Variants in FARP1 observed in about 807,000 individuals in gnomAD.
FARP1 encodes FERM, ARHGEF and pleckstrin domain-containing protein 1.
A neutral mutation model predicts 128.8 loss-of-function variants in FARP1; 52 were observed. The ratio of observed to expected loss-of-function variants is 0.40; its 90% CI spans 0.32 to 0.51. The LOEUF (loss-of-function observed/expected upper bound fraction) is 0.51. FARP1 is among the 20% of genes least tolerant of loss of function. The probability of loss-of-function intolerance (pLI) is 0.45; values close to 1 mark genes in which losing one functional copy is unlikely to be tolerated. For synonymous variants in FARP1, 580 were observed against 551.8 expected (o/e 1.05, Z -0.72); for missense variants, 1,333 against 1,367.9 (o/e 0.97, Z 0.40).
At chr13:98,313,709 T>C (rs1326925161) in intron 2 of FARP1, among the ~76,000 whole-genome samples, 5 of 152,220 alleles carry the variant, frequency 3.3e-5, no homozygotes, top group Non-Finnish European at 5.9e-5. Flanking sequence ...TCTGCTAGCC[T>C]TTTTAGCATG....
rs1888713928 is a variant in FARP1, at chr13:98,358,103, TCC to T, written c.277-7290_277-7289del. ...TTTTTTTTTCCTGACCTTGACTACT[TCC>T]CACACATTCAAGGATAACCCCCTGT... On this transcript the variant is annotated intron_variant, in intron 3 of 26. Transcript: ENST00000319562. 3.9e-5 allele frequency among the ~76,000 whole-genome samples: 6 copies of T among 151,932 alleles called. No individual in the cohort carries two copies. The South Asian group carries it at 1.3e-3, about 32-fold the overall frequency.
At position 98,385,677 on chromosome 13, in the gene FARP1, C is replaced by T; in HGVS notation, c.622C>T (p.Pro208Ser). ...TTTTTGTTTTGTCAGTGGACAAACACCAGCAGAATCAGATTTCCAGCTCCT... is the reference window on the plus strand; with the variant it reads ...TTTTTGTTTTGTCAGTGGACAAACATCAGCAGAATCAGATTTCCAGCTCCT... ...EFHHNHIGQT[P>S]AESDFQLLEI... Residue 208 changes from proline to serine, a missense_variant, in exon 8 of 27, where the codon CCA (proline) becomes TCA (serine). Physicochemically the swap from Pro to Ser is moderately conservative, Grantham distance 74 (BLOSUM62 -1). Coordinates refer to ENST00000319562, the MANE Select transcript of FARP1 (RefSeq NM_005766.4). 6.2e-7 allele frequency: 1 copy of T among 1,614,182 alleles called. No individual in the cohort carries two copies. The highest frequency in any genetic ancestry group is 1.1e-5 in the South Asian group (1 of 91,086).
intron 3 of FARP1, among the ~76,000 whole-genome samples, chr13:98,361,037 C>T (rs1472869280): frequency 1.3e-5 from 2 of 152,192 alleles, no homozygotes; most frequent in East Asian, 1.9e-4. Context: ...AGTCCAGCTC[C>T]GCTCGCCTCC....
intron 2 of FARP1, among the ~76,000 whole-genome samples, chr13:98,295,019 G>GAA (rs1301054779): frequency 1.8e-5 from 2 of 110,696 alleles, no homozygotes; most frequent in Non-Finnish European, 3.8e-5. Flanking sequence ...CTCCGTCTCA[G>GAA]AAAAAAAAAA....
rs1214701378 is a variant in FARP1, at chr13:98,453,519, A to T, written c.*5202A>T. 1 of 336,022 alleles carries T rather than the reference A, an allele frequency of 3.0e-6. No individual in the cohort carries two copies. Among genetic ancestry groups the T allele is most frequent in the African/African-American group, 2.2e-5 (1 of 45,896 alleles). The allele number at this position is 336,022 out of a possible 1,614,324, so 20.8% of individuals were successfully genotyped here. ...TACGATCAATTGTCAAAAAGTGAAC[A>T]TTGATCCATACATGATGACACAGTA... On this transcript the variant is annotated 3_prime_UTR_variant, in exon 27 of 27. Coordinates refer to ENST00000319562, the MANE Select transcript of FARP1 (RefSeq NM_005766.4).
At chr13:98,205,635 C>T (rs1455469788) in intron 1 of FARP1, among the ~76,000 whole-genome samples, 2 of 152,116 alleles carry the variant, frequency 1.3e-5, no homozygotes, top group Non-Finnish European at 2.9e-5. Flanking sequence ...CCTTGTGATC[C>T]ACCTGCCTTG....
intron 8 of FARP1, among the ~76,000 whole-genome samples, chr13:98,387,575 G>A (rs751087880): frequency 6.6e-6 from 1 of 152,204 alleles, no homozygotes; most frequent in Non-Finnish European, 1.5e-5. Flanking sequence ...GTTCCAGTGG[G>A]CTCCAGAGGA....
At chr13:98,328,962 A>G (rs1196813839) in intron 2 of FARP1, 1 of 152,256 alleles carries the variant, frequency 6.6e-6, no homozygotes, top group Non-Finnish European at 1.5e-5. Flanking sequence ...AACTGAAACC[A>G]GAGAAAGCAA....
Position 98,347,614 on chromosome 13 carries a change from C to T in FARP1, c.276+3748C>T, listed in dbSNP as rs1888234784. On this transcript the variant is annotated intron_variant, in intron 3 of 26. Transcript: ENST00000319562. ...ATACCATTTCCATTGTGTATATTCA[C>T]CACGTCTCCAGTATCCATTCCTCCA... Among the ~76,000 whole-genome samples, 4 of 152,210 alleles carry T rather than the reference C, an allele frequency of 2.6e-5. No homozygotes were observed. The South Asian group carries it at 6.2e-4, about 24-fold the overall frequency.
At chr13:98,446,345 C>G (rs1297724915) in intron 25 of FARP1, 140 bp downstream of exon 25, 1 of 626,426 alleles carries the variant, frequency 1.6e-6, no homozygotes. Context: ...GGCGGGGGGC[C>G]CTGTCCACCC....
intron 2 of FARP1, among the ~76,000 whole-genome samples, chr13:98,305,753 A>G (rs1307693998): frequency 6.6e-6 from 1 of 152,158 alleles, no homozygotes; most frequent in African/African-American, 2.4e-5. Context: ...CTGGCTGCAC[A>G]TCTAGAGTCT....
chr13:98,375,500 A>C (rs1209670433), intron 5 of FARP1, among the ~76,000 whole-genome samples: 1 of 151,996 alleles, frequency 6.6e-6, no homozygotes, highest in Non-Finnish European at 1.5e-5. Context: ...CAGGTTACAC[A>C]CTCAATTCTT....
chr13:98,202,193 C>A (rs554336338), intron 1 of FARP1, among the ~76,000 whole-genome samples: 3 of 152,326 alleles, frequency 2.0e-5, no homozygotes, highest in African/African-American at 7.2e-5. Flanking sequence ...GTGGCTCCCC[C>A]GGGACAGAGG....
chr13:98,227,684 T>C (rs879412262), intron 2 of FARP1, among the ~76,000 whole-genome samples: 28 of 152,182 alleles, frequency 1.8e-4, no homozygotes, highest in Non-Finnish European at 4.1e-4. Context: ...TTCATAGCAG[T>C]ACTGTTCACG....
intron 2 of FARP1, among the ~76,000 whole-genome samples, chr13:98,342,373 A>C (rs780280119): frequency 2.6e-5 from 4 of 152,246 alleles, no homozygotes; most frequent in Non-Finnish European, 5.9e-5. Flanking sequence ...ACTGTATTAC[A>C]TCCAGACAGT....
At chr13:98,413,557 G>C (rs1171762025) in intron 16 of FARP1, among the ~76,000 whole-genome samples, 1 of 152,188 alleles carries the variant, frequency 6.6e-6, no homozygotes, top group Non-Finnish European at 1.5e-5. Flanking sequence ...CTACTGGAGA[G>C]GCTGAGGCAG....
At chr13:98,207,706 C>T (rs367684686) in intron 1 of FARP1, among the ~76,000 whole-genome samples, 8 of 151,822 alleles carry the variant, frequency 5.3e-5, no homozygotes, top group East Asian at 1.9e-4. Flanking sequence ...CACCAAAGTA[C>T]GAAAAGTGCA....
intron 2 of FARP1, among the ~76,000 whole-genome samples, chr13:98,246,538 G>C (rs1434671637): frequency 6.6e-6 from 1 of 152,118 alleles, no homozygotes; most frequent in Non-Finnish European, 1.5e-5. Flanking sequence ...CTCAAAATAA[G>C]TGGTGTGTGT....
At chr13:98,257,632 T>C (rs1427242168) in intron 2 of FARP1, among the ~76,000 whole-genome samples, 1 of 152,132 alleles carries the variant, frequency 6.6e-6, no homozygotes, top group African/African-American at 2.4e-5. Context: ...TAGCTAGGCA[T>C]GGTGGCATGT....
Sources: allele counts gnomAD v4.1 joint callset (sites outside exome capture counted in the v4.1 genomes callset), GRCh38; gene constraint gnomAD v4.1.1; transcripts MANE v1.5; gene names NCBI Gene and HGNC (gene_info 2026-07-23, HGNC 2026-07-21).